Variants in RIT2 observed in about 807,000 individuals in gnomAD.
RIT2 encodes GTP-binding protein Rit2.
RIT2 carries 24 observed loss-of-function variants against 23.7 expected under a neutral mutation model. The ratio of observed to expected loss-of-function variants is 1.01; its 90% CI spans 0.73 to 1.43. The LOEUF (loss-of-function observed/expected upper bound fraction) is 1.43. RIT2 is among the 40% of genes most tolerant of loss of function. The pLI is 0.00. For missense variants in RIT2, 236 were observed against 266.9 expected (o/e 0.88, Z 0.81); for synonymous variants, 107 against 91.1 (o/e 1.17, Z -0.99).
At chr18:42,823,679 T>A (rs943525646) in intron 4 of RIT2, among the ~76,000 whole-genome samples, 1 of 152,162 alleles carries the variant, frequency 6.6e-6, no homozygotes, top group East Asian at 1.9e-4. Context: ...AGTAAGTACA[T>A]GTATAATTTA....
chr18:42,881,380 T>G (rs1387664640), intron 4 of RIT2, among the ~76,000 whole-genome samples: 2 of 152,212 alleles, frequency 1.3e-5, no homozygotes, highest in African/African-American at 4.8e-5. Context: ...TTCAATCGAT[T>G]CTTTATTCAA....
At chr18:42,822,164 A>G (rs1906170761) in intron 4 of RIT2, among the ~76,000 whole-genome samples, 1 of 152,074 alleles carries the variant, frequency 6.6e-6, no homozygotes, top group Admixed American at 6.6e-5. Flanking sequence ...CATGTAGAGT[A>G]TTTTTACTTT....
At chr18:42,967,299 T>A (rs1423445148) in intron 3 of RIT2, among the ~76,000 whole-genome samples, 1 of 152,034 alleles carries the variant, frequency 6.6e-6, no homozygotes, top group African/African-American at 2.4e-5. Flanking sequence ...ATGGTCTAGA[T>A]AATTTTTTTT....
chr18:42,795,236 G>A (rs996237132), intron 4 of RIT2, among the ~76,000 whole-genome samples: 37 of 152,224 alleles, frequency 2.4e-4, no homozygotes, highest in African/African-American at 8.9e-4. Flanking sequence ...CAGCTTGCAG[G>A]GAGGTGTGGA....
intron 1 of RIT2, among the ~76,000 whole-genome samples, chr18:43,082,338 A>G (rs1346439853): frequency 6.6e-6 from 1 of 152,160 alleles, no homozygotes; most frequent in Non-Finnish European, 1.5e-5. Flanking sequence ...AAACTATTCC[A>G]AACAATAGAA....
intron 1 of RIT2, among the ~76,000 whole-genome samples, chr18:43,111,417 T>C (rs914639184): frequency 4.0e-5 from 6 of 149,064 alleles, no homozygotes; most frequent in African/African-American, 7.4e-5. Flanking sequence ...AAATAAGTTA[T>C]TGTACATTTT....
Position 42,743,334 on chromosome 18 carries a change from A to C in RIT2, c.*159T>G, listed in dbSNP as rs886321674. ...CAACTGTTAAAGGCAAAACAAAACT[A>C]TCTCAAGAGGTACAGATATGCAGAG... On this transcript the variant is annotated 3_prime_UTR_variant, in exon 5 of 5. Transcript: ENST00000326695. 1.6e-6 allele frequency: 1 copy of C among 620,680 alleles called. No homozygotes were observed. The highest frequency in any genetic ancestry group is 1.8e-5 in the African/African-American group (1 of 54,190). The allele number at this position is 620,680 out of a possible 1,614,324, so 38.4% of individuals were successfully genotyped here. A position where few individuals can be genotyped will look rare whatever the true frequency, so the allele number is the denominator to read the frequency against.
intron 4 of RIT2, among the ~76,000 whole-genome samples, chr18:42,822,433 T>G (rs1046589244): frequency 6.6e-6 from 1 of 152,166 alleles, no homozygotes. Flanking sequence ...CGGTTGATCA[T>G]GGCAGTTTAA....
At chr18:42,746,484 G>A (rs1364237073) in intron 4 of RIT2, among the ~76,000 whole-genome samples, 1 of 151,978 alleles carries the variant, frequency 6.6e-6, no homozygotes, top group East Asian at 1.9e-4. Flanking sequence ...TAGACAGTAA[G>A]TAAAAATAGA....
chr18:42,987,176 G>GTA (rs1182898217), intron 2 of RIT2, among the ~76,000 whole-genome samples: 2 of 152,164 alleles, frequency 1.3e-5, no homozygotes, highest in African/African-American at 4.8e-5. Flanking sequence ...GTTTATGTAT[G>GTA]TGTGTGCGTA....
chr18:43,049,639 G>C (rs966639535), intron 1 of RIT2, among the ~76,000 whole-genome samples: 3 of 152,036 alleles, frequency 2.0e-5, no homozygotes, highest in Non-Finnish European at 4.4e-5. Context: ...TCTAACCTTG[G>C]GGAGAATTAA....
At chr18:43,043,065 A>T (rs1171834321) in intron 1 of RIT2, among the ~76,000 whole-genome samples, 1 of 152,194 alleles carries the variant, frequency 6.6e-6, no homozygotes, top group Admixed American at 6.5e-5. Context: ...ACAAGAAATT[A>T]TAGGATTTTT....
At chr18:42,780,214 T>C (rs184998150) in intron 4 of RIT2, among the ~76,000 whole-genome samples, 31 of 151,792 alleles carry the variant, frequency 2.0e-4, no homozygotes, top group African/African-American at 6.8e-4. Context: ...AATACATTGG[T>C]TTGGTATAAT....
rs1598638579 is a variant in RIT2, at chr18:42,748,103, A to G, written c.427-4383T>C. Among the ~76,000 whole-genome samples, 9 of 152,226 alleles carry G rather than the reference A, an allele frequency of 5.9e-5. 3 individuals are homozygous for G. Among genetic ancestry groups the G allele is most frequent in the Admixed American group, 5.9e-4 (9 of 15,272 alleles). ...AAACAATCAGCAGAGTAAATGAACA[A>G]CCCACAGAGTGGGAGAAAATCTTTG... is the stretch of plus-strand genomic sequence containing the variant. On this transcript the variant is annotated intron_variant, in intron 4 of 4. Coordinates refer to ENST00000326695, the MANE Select transcript of RIT2 (RefSeq NM_002930.4).
intron 4 of RIT2, among the ~76,000 whole-genome samples, chr18:42,883,231 A>T (rs1176157178): frequency 6.6e-6 from 1 of 152,144 alleles, no homozygotes; most frequent in Non-Finnish European, 1.5e-5. Flanking sequence ...TGCTGCACAA[A>T]ACACTACTAA....
intron 2 of RIT2, among the ~76,000 whole-genome samples, chr18:43,026,105 T>C (rs1437765135): frequency 6.6e-6 from 1 of 152,026 alleles, no homozygotes; most frequent in Non-Finnish European, 1.5e-5. Flanking sequence ...ATCAAGATGG[T>C]AGCAGTAGAG....
chr18:42,767,718 G>C (rs1223546073), intron 4 of RIT2, among the ~76,000 whole-genome samples: 1 of 152,162 alleles, frequency 6.6e-6, no homozygotes, highest in Non-Finnish European at 1.5e-5. Flanking sequence ...AACTTGAATT[G>C]TATCTACCAG....
intron 1 of RIT2, among the ~76,000 whole-genome samples, chr18:43,058,679 G>A (rs1912567333): frequency 6.6e-6 from 1 of 152,032 alleles, no homozygotes; most frequent in Non-Finnish European, 1.5e-5. Flanking sequence ...TTGAGCCCAG[G>A]AGTTCGAGAC....
chr18:42,906,106 A>C (rs1440629489), intron 4 of RIT2, among the ~76,000 whole-genome samples: 1 of 150,018 alleles, frequency 6.7e-6, no homozygotes, highest in African/African-American at 2.4e-5. Flanking sequence ...ATCTCTTGAC[A>C]TGAAAGTTTC....
Sources: allele counts gnomAD v4.1 joint callset (sites outside exome capture counted in the v4.1 genomes callset), GRCh38; gene constraint gnomAD v4.1.1; transcripts MANE v1.5; gene names NCBI Gene and HGNC (gene_info 2026-07-23, HGNC 2026-07-21).